Variants in VPS13B observed in about 807,000 individuals in gnomAD.
VPS13B encodes intermembrane lipid transfer protein VPS13B.
VPS13B carries 285 observed loss-of-function variants against 426.4 expected under a neutral mutation model. The ratio of observed to expected loss-of-function variants is 0.67; its 90% confidence interval spans 0.61 to 0.74. The LOEUF (loss-of-function observed/expected upper bound fraction) is 0.74. Among genes scored for constraint, VPS13B ranks in the 30% least tolerant of loss-of-function variants. The pLI, the probability that VPS13B is intolerant of heterozygous loss-of-function variation, is 0.00. For missense variants in VPS13B, 4,537 were observed against 4,782.6 expected (o/e 0.95, Z 1.51); for synonymous variants, 1,676 against 1,676.4 (o/e 1.00, Z 0.01).
At chr8:99,111,812 C>T (rs1847384800) in intron 6 of VPS13B, among the ~76,000 whole-genome samples, 1 of 151,852 alleles carries the variant, frequency 6.6e-6, no homozygotes, top group Non-Finnish European at 1.5e-5. Flanking sequence ...TATTTTTTAT[C>T]TGCATTTTCA....
rs909111960 is a variant in VPS13B at position 99,332,441 on chromosome 8, T to G, written c.2825-51767T>G. On this transcript the variant is annotated intron_variant, in intron 19 of 61. Transcript: ENST00000357162. ...AGTAAGAGAACAGTTAATTTTTTTTTGTTCAATCAGTTCAAGTGTTTTAGA... is the reference window on the plus strand; with the variant it reads ...AGTAAGAGAACAGTTAATTTTTTTTGGTTCAATCAGTTCAAGTGTTTTAGA... Among the ~76,000 whole-genome samples, 3 of 151,684 alleles carry G rather than the reference T, an allele frequency of 2.0e-5. No individual in the cohort carries two copies. In the South Asian group the frequency reaches 6.2e-4, roughly 31 times the overall value.
At chr8:99,320,844 C>T (rs1809939796) in intron 19 of VPS13B, among the ~76,000 whole-genome samples, 1 of 152,192 alleles carries the variant, frequency 6.6e-6, no homozygotes, top group African/African-American at 2.4e-5. Flanking sequence ...CCTACTTTCT[C>T]TTCTTTTTAT....
intron 21 of VPS13B, among the ~76,000 whole-genome samples, chr8:99,394,872 T>C (rs1314631040): frequency 6.6e-6 from 1 of 152,284 alleles, no homozygotes; most frequent in East Asian, 1.9e-4. Context: ...AATGAAGACA[T>C]GTGATAATGA....
At chr8:99,374,784 G>T (rs1305606120) in intron 19 of VPS13B, among the ~76,000 whole-genome samples, 1 of 152,136 alleles carries the variant, frequency 6.6e-6, no homozygotes, top group Non-Finnish European at 1.5e-5. Context: ...AGGACCCTGT[G>T]TTTTTTGAGA....
chr8:99,529,604 A>G (rs1051356004), intron 30 of VPS13B, among the ~76,000 whole-genome samples: 3 of 152,234 alleles, frequency 2.0e-5, no homozygotes, highest in East Asian at 1.9e-4. Context: ...TCTTCCGTGA[A>G]ATAGTTACCA....
At chr8:99,184,697 A>G (rs1453600474) in intron 16 of VPS13B, among the ~76,000 whole-genome samples, 1 of 152,248 alleles carries the variant, frequency 6.6e-6, no homozygotes, top group Non-Finnish European at 1.5e-5. Flanking sequence ...TTAAAAATAT[A>G]TGACAAAAGC....
At chr8:99,379,174 G>T (rs979103982) in intron 19 of VPS13B, among the ~76,000 whole-genome samples, 2 of 152,056 alleles carry the variant, frequency 1.3e-5, no homozygotes, top group Admixed American at 1.3e-4. Context: ...AGGTGGAATG[G>T]TTTCATCCTG....
At chr8:99,780,746 C>T (rs954076254) in intron 42 of VPS13B, among the ~76,000 whole-genome samples, 2 of 152,042 alleles carry the variant, frequency 1.3e-5, no homozygotes, top group African/African-American at 4.8e-5. Context: ...AGGGTACTTG[C>T]CACCAAGTTT....
At chr8:99,579,788 C>A (rs1588514280) in intron 33 of VPS13B, among the ~76,000 whole-genome samples, 1 of 151,752 alleles carries the variant, frequency 6.6e-6, no homozygotes, top group Non-Finnish European at 1.5e-5. Flanking sequence ...ATCTCCACCT[C>A]CTGGGTTCAA....
At chr8:99,350,588 G>A (rs551743473) in intron 19 of VPS13B, among the ~76,000 whole-genome samples, 16 of 152,212 alleles carry the variant, frequency 1.1e-4, no homozygotes, top group African/African-American at 3.6e-4. Flanking sequence ...CAAGTGAGAA[G>A]TATTAAAGTT....
chr8:99,517,817 A>G (rs750057178), intron 29 of VPS13B, among the ~76,000 whole-genome samples: 11 of 152,144 alleles, frequency 7.2e-5, no homozygotes, highest in Non-Finnish European at 1.2e-4. Flanking sequence ...ACTATTAAAT[A>G]CAGGTGAAAT....
At chr8:99,625,836 T>C (rs1371548679) in intron 33 of VPS13B, among the ~76,000 whole-genome samples, 1 of 151,850 alleles carries the variant, frequency 6.6e-6, no homozygotes, top group Non-Finnish European at 1.5e-5. Context: ...ATAAAATAAG[T>C]TCCTTAAAAC....
chr8:99,559,226 A>G (rs1305248924), intron 31 of VPS13B, among the ~76,000 whole-genome samples: 6 of 152,160 alleles, frequency 3.9e-5, no homozygotes, highest in African/African-American at 1.4e-4. Context: ...GTCTGTTCAT[A>G]TCCTTCACCC....
rs182521541 is a variant in VPS13B at position 99,450,840 on chromosome 8, C to G, written c.3445+8205C>G. On this transcript the variant is annotated intron_variant, in intron 23 of 61. Coordinates refer to ENST00000357162, the MANE Select transcript of VPS13B (RefSeq NM_152564.5). ...GGATTCCAAATTTCTATTAAATTTG[C>G]AATTCTTTGAAACCAATTATTTAGA... is the stretch of plus-strand genomic sequence containing the variant. 9.3e-4 allele frequency among the ~76,000 whole-genome samples: 142 copies of G among 152,094 alleles called. 1 individual carries two copies. Among genetic ancestry groups the G allele is most frequent in the African/African-American group, 2.9e-3 (120 of 41,486 alleles).
chr8:99,140,368 CAAAAA>C lies in VPS13B; in HGVS notation c.1652-2588_1652-2584del, dbSNP rs5893482. ...GGGCAATAAGAGTGAAGCTCTGTCT[CAAAAA>C]AAAAAAAAAAAAAAAAAGGAAGTAA... On this transcript the variant is annotated intron_variant, in intron 12 of 61. Transcript: ENST00000357162. 3.6e-4 allele frequency among the ~76,000 whole-genome samples: 27 copies of C among 74,678 alleles called. 1 individual carries two copies. The highest frequency in any genetic ancestry group is 2.7e-3 in the Admixed American group (26 of 9,456). The allele number at this position is 74,678 out of a possible 152,430, so 49.0% of individuals were successfully genotyped here. A position where few individuals can be genotyped will look rare whatever the true frequency, so the allele number is the denominator to read the frequency against.
intron 35 of VPS13B, among the ~76,000 whole-genome samples, chr8:99,680,752 A>G (rs1316975861): frequency 2.0e-5 from 3 of 152,222 alleles, no homozygotes; most frequent in African/African-American, 4.8e-5. Context: ...ACTCTTAAAC[A>G]TAAGTATCTG....
intron 3 of VPS13B, among the ~76,000 whole-genome samples, chr8:99,053,861 C>T (rs1218587610): frequency 1.3e-5 from 2 of 152,044 alleles, no homozygotes; most frequent in South Asian, 2.1e-4. Context: ...TACCACCACC[C>T]CCGGCTAATT....
intron 44 of VPS13B, among the ~76,000 whole-genome samples, chr8:99,812,297 T>C (rs913936620): frequency 6.6e-6 from 1 of 152,186 alleles, no homozygotes; most frequent in African/African-American, 2.4e-5. Flanking sequence ...ATCAGAGACG[T>C]AGGATTTCCT....
chr8:99,038,575 T>C lies in VPS13B; in HGVS notation c.291+9T>C. ...TTAAGGATGGGATACAGGTAAGAAA[T>C]TATTGAACCAAGTTGTTTATGTTAA... On this transcript the variant is annotated intron_variant, in intron 3 of 61. Coordinates refer to ENST00000357162, the MANE Select transcript of VPS13B (RefSeq NM_152564.5). 1.2e-6 allele frequency: 2 copies of C among 1,610,610 alleles called. No homozygotes were observed. Among genetic ancestry groups the C allele is most frequent in the Non-Finnish European group, 1.7e-6 (2 of 1,177,842 alleles).
Sources: allele counts gnomAD v4.1 joint callset (sites outside exome capture counted in the v4.1 genomes callset), GRCh38; gene constraint gnomAD v4.1.1; transcripts MANE v1.5; gene names NCBI Gene and HGNC (gene_info 2026-07-23, HGNC 2026-07-21).